Variants in THSD7B observed in about 807,000 individuals in gnomAD.
THSD7B encodes the protein thrombospondin type 1 domain containing 7B.
THSD7B carries 138 observed loss-of-function variants against 213.6 expected under a neutral mutation model. That is an observed-to-expected ratio of 0.65 (90% CI 0.56 to 0.74). The LOEUF (loss-of-function observed/expected upper bound fraction) is 0.74. Among genes scored for constraint, THSD7B ranks in the 30% least tolerant of loss-of-function variants. The pLI is 0.00. For missense variants in THSD7B, 1,931 were observed against 1,991.5 expected, an observed-to-expected ratio of 0.97 and a Z score of 0.58; for synonymous variants, 742 against 687.0, an observed-to-expected ratio of 1.08 and a Z score of -1.25.
At chr2:137,404,789 T>C (rs1025141101) in intron 12 of THSD7B, among the ~76,000 whole-genome samples, 5 of 151,924 alleles carry the variant, frequency 3.3e-5, no homozygotes, top group African/African-American at 1.2e-4. Context: ...CTCACTGATA[T>C]GTGGGAACTA....
In THSD7B at chr2:137,272,707, T is replaced by C. The variant is rs763794390; in HGVS notation, c.2396+45T>C. ...AATTATCGTTAGACCTACTGTAAAT[T>C]ATAACCTATTTTCTTTCACATAACA... On this transcript the variant is annotated intron_variant, in intron 11 of 27. Coordinates refer to ENST00000409968, the MANE Select transcript of THSD7B (RefSeq NM_001316349.2). The C allele has an allele frequency of 1.2e-5, 19 of 1,582,688 alleles. No homozygotes were observed. The South Asian group carries it at 2.2e-4, about 18-fold the overall frequency.
intron 2 of THSD7B, among the ~76,000 whole-genome samples, chr2:137,024,728 T>C (rs1176752344): frequency 6.6e-6 from 1 of 152,132 alleles, no homozygotes; most frequent in Non-Finnish European, 1.5e-5. Flanking sequence ...TTCCCACACA[T>C]AGTCAACTTA....
At chr2:136,818,599 T>C (rs946426784) in intron 1 of THSD7B, among the ~76,000 whole-genome samples, 1 of 152,240 alleles carries the variant, frequency 6.6e-6, no homozygotes, top group African/African-American at 2.4e-5. Context: ...GAGTGCTGAA[T>C]TATGTTCAGC....
intron 10 of THSD7B, among the ~76,000 whole-genome samples, chr2:137,268,918 T>G (rs939102367): frequency 6.6e-6 from 1 of 152,186 alleles, no homozygotes; most frequent in African/African-American, 2.4e-5. Flanking sequence ...GTCTGTTGTG[T>G]GCAAAGGAGT....
At position 137,056,582 on chromosome 2, in the gene THSD7B, G is replaced by A. The variant is rs1022218839; in HGVS notation, c.302G>A (p.Ser101Asn). The change falls in exon 3 of 28, where the codon AGT (serine) becomes AAT (asparagine). Residue 101 changes from serine to asparagine, a missense_variant. Coordinates refer to ENST00000409968, the MANE Select transcript of THSD7B (RefSeq NM_001316349.2). The stretch of plus-strand genomic sequence containing the variant: ...TGTTTCCGAGTTTGTGACTGGCACA[G>A]TGACCTCTTTCAGTGGGAGGTTTCT... ...RSCFRVCDWHSDLFQWEVSDW... is the reference protein window; with the variant it reads ...RSCFRVCDWHNDLFQWEVSDW... 74 of 1,613,830 alleles carry A rather than the reference G, an allele frequency of 4.6e-5. No individual in the cohort carries two copies. Among genetic ancestry groups the A allele is most frequent in the Non-Finnish European group, 6.3e-5 (74 of 1,179,892 alleles).
chr2:137,231,561 C>T (rs1681640334), intron 8 of THSD7B, among the ~76,000 whole-genome samples: 1 of 148,390 alleles, frequency 6.7e-6, no homozygotes, highest in Non-Finnish European at 1.5e-5. Flanking sequence ...CCAAAGATAG[C>T]TTGTGCAGTT....
chr2:137,360,894 C>T (rs1176286509), intron 12 of THSD7B, among the ~76,000 whole-genome samples: 1 of 152,184 alleles, frequency 6.6e-6, no homozygotes, highest in East Asian at 1.9e-4. Context: ...AATGGACAGA[C>T]TGCCTCCTCA....
chr2:137,150,653 G>A (rs1261518641), intron 5 of THSD7B, among the ~76,000 whole-genome samples: 1 of 152,076 alleles, frequency 6.6e-6, no homozygotes, highest in African/African-American at 2.4e-5. Flanking sequence ...CCCAGTCTCG[G>A]GTATTTCTTC....
At chr2:137,132,071 A>G (rs1484868447) in intron 5 of THSD7B, among the ~76,000 whole-genome samples, 12 of 149,080 alleles carry the variant, frequency 8.0e-5, no homozygotes, top group Non-Finnish European at 1.5e-4. Context: ...AGTGGTTTGT[A>G]GTTCTCCTTG....
intron 2 of THSD7B, among the ~76,000 whole-genome samples, chr2:136,962,211 C>T (rs1182359199): frequency 1.3e-5 from 2 of 152,086 alleles, no homozygotes; most frequent in African/African-American, 4.8e-5. Flanking sequence ...AAAGCAAGGA[C>T]ACAGATGCTC....
intron 1 of THSD7B, among the ~76,000 whole-genome samples, chr2:136,801,869 G>A (rs1158958144): frequency 6.6e-6 from 1 of 152,118 alleles, no homozygotes; most frequent in Non-Finnish European, 1.5e-5. Context: ...GGAAGGAAAT[G>A]ATAGCATCTT....
chr2:136,948,886 G>T (rs907257610), intron 2 of THSD7B, among the ~76,000 whole-genome samples: 1 of 150,336 alleles, frequency 6.7e-6, no homozygotes, highest in Admixed American at 6.6e-5. Context: ...TGGCTTTTTT[G>T]TTCTTATGTG....
intron 2 of THSD7B, among the ~76,000 whole-genome samples, chr2:136,893,029 G>C (rs1381347722): frequency 6.6e-6 from 1 of 152,240 alleles, no homozygotes; most frequent in South Asian, 2.1e-4. Context: ...TTTCAGTGGA[G>C]TATTAGCAGG....
chr2:137,409,847 A>T (rs1294220844), intron 13 of THSD7B, among the ~76,000 whole-genome samples: 15 of 152,254 alleles, frequency 9.9e-5, no homozygotes, highest in Admixed American at 9.2e-4. Flanking sequence ...CTGAACTATC[A>T]TTGAGTGATT....
At chr2:136,811,590 C>T (rs935182203) in intron 1 of THSD7B, among the ~76,000 whole-genome samples, 3 of 152,120 alleles carry the variant, frequency 2.0e-5, no homozygotes, top group Admixed American at 2.0e-4. Flanking sequence ...ATGATTAATA[C>T]ATTTTATTTT....
chr2:136,936,851 T>C (rs1463261146), intron 2 of THSD7B, among the ~76,000 whole-genome samples: 1 of 151,992 alleles, frequency 6.6e-6, no homozygotes, highest in Non-Finnish European at 1.5e-5. Context: ...AATGATAACA[T>C]TTCTCCTTTC....
At chr2:137,404,460 TATATATATATATATACACACACAC>T (rs1245261009) in intron 12 of THSD7B, among the ~76,000 whole-genome samples, 4 of 102,330 alleles carry the variant, frequency 3.9e-5, no homozygotes, top group Middle Eastern at 5.0e-3. Flanking sequence ...TATATATATA[TATATATATATATATACACACACAC>T]ACACACACAC....
chr2:137,007,112 A>G (rs1228147768), intron 2 of THSD7B, among the ~76,000 whole-genome samples: 2 of 152,192 alleles, frequency 1.3e-5, no homozygotes, highest in African/African-American at 2.4e-5. Context: ...ACCATGTGGC[A>G]TCGTTGCATA....
At chr2:137,388,398 A>G (rs1455917231) in intron 12 of THSD7B, among the ~76,000 whole-genome samples, 3 of 151,802 alleles carry the variant, frequency 2.0e-5, no homozygotes, top group Non-Finnish European at 4.4e-5. Context: ...TTATTGATAT[A>G]TAATTTCTGT....
Sources: gnomAD v4.1 joint callset for allele counts (sites outside exome capture counted in the v4.1 genomes callset) on GRCh38, gnomAD v4.1.1 for gene constraint, MANE v1.5 for transcripts, NCBI Gene and HGNC (gene_info 2026-07-23, HGNC 2026-07-21) for gene names.